The following TMEM108 variants were observed in gnomAD, a reference collection of about 807,000 sequenced individuals.
The protein encoded by TMEM108 is cancer/testis antigen 124.
A neutral mutation model predicts 35.1 loss-of-function variants in TMEM108; 12 were observed. That is an observed-to-expected ratio of 0.34 (90% CI 0.22 to 0.55). TMEM108 has a LOEUF of 0.55. Ranked by LOEUF, TMEM108 falls within the 20% of genes least tolerant of loss-of-function variation. TMEM108 has a pLI of 0.89. For missense variants in TMEM108, 680 were observed against 753.3 expected (o/e 0.90, Z 1.14); for synonymous variants, 287 against 308.6 (o/e 0.93, Z 0.73).
intron 3 of TMEM108, among the ~76,000 whole-genome samples, chr3:133,268,279 G>A (rs545428689): frequency 6.6e-6 from 1 of 152,294 alleles, no homozygotes; most frequent in African/African-American, 2.4e-5. Context: ...GATCATGTGG[G>A]CCCATATCAG....
intron 2 of TMEM108, among the ~76,000 whole-genome samples, chr3:133,130,886 CATAACTT>C (rs1157116439): frequency 6.6e-6 from 1 of 152,166 alleles, no homozygotes; most frequent in East Asian, 1.9e-4. Context: ...ATTTAACTGA[CATAACTT>C]ATACTTTTCA....
chr3:133,275,526 T>C (rs1946826991), intron 3 of TMEM108, among the ~76,000 whole-genome samples: 1 of 152,232 alleles, frequency 6.6e-6, no homozygotes, highest in African/African-American at 2.4e-5. Context: ...GGCTACTGTA[T>C]TGGATAATGC....
At chr3:133,172,761 G>C (rs12488775) in intron 2 of TMEM108, among the ~76,000 whole-genome samples, 19,763 of 152,214 alleles carry the variant, frequency 0.13, 1,479 homozygotes, top group South Asian at 0.22. Context: ...TGGTTTGGCT[G>C]TGTCACCACC....
intron 2 of TMEM108, among the ~76,000 whole-genome samples, chr3:133,076,650 T>C (rs1943746075): frequency 6.6e-6 from 1 of 152,206 alleles, no homozygotes; most frequent in South Asian, 2.1e-4. Context: ...ATTTTTCTAG[T>C]GTAAATAGGT....
intron 2 of TMEM108, among the ~76,000 whole-genome samples, chr3:133,056,981 C>T (rs1330900412): frequency 6.6e-6 from 1 of 152,184 alleles, no homozygotes; most frequent in Non-Finnish European, 1.5e-5. Flanking sequence ...TAAAGTGCAA[C>T]ATGACATTAA....
At chr3:133,145,602 G>C (rs1012525386) in intron 2 of TMEM108, among the ~76,000 whole-genome samples, 2 of 152,190 alleles carry the variant, frequency 1.3e-5, no homozygotes, top group Non-Finnish European at 1.5e-5. Flanking sequence ...CATGAGCATA[G>C]AATGTTTTTC....
intron 3 of TMEM108, among the ~76,000 whole-genome samples, chr3:133,295,096 T>G (rs895910544): frequency 2.6e-5 from 4 of 152,202 alleles, no homozygotes; most frequent in Non-Finnish European, 5.9e-5. Flanking sequence ...TAAATAAAAT[T>G]TGAGATGCTG....
chr3:133,078,538 T>G (rs943506978), intron 2 of TMEM108, among the ~76,000 whole-genome samples: 1 of 152,190 alleles, frequency 6.6e-6, no homozygotes, highest in Admixed American at 6.5e-5. Context: ...GTTACAAGGC[T>G]GTAACCCTCT....
At chr3:133,243,051 A>G (rs1481274578) in intron 3 of TMEM108, among the ~76,000 whole-genome samples, 1 of 152,216 alleles carries the variant, frequency 6.6e-6, no homozygotes, top group Non-Finnish European at 1.5e-5. Flanking sequence ...CAGGGAAGCA[A>G]TATCATGCCT....
chr3:133,378,898 A>C (rs2072921355), intron 3 of TMEM108, among the ~76,000 whole-genome samples: 1 of 151,708 alleles, frequency 6.6e-6, no homozygotes, highest in South Asian at 2.1e-4. Flanking sequence ...CAGCCACATG[A>C]ATGCCATAGG....
chr3:133,359,808 C>G (rs1399051379), intron 3 of TMEM108, among the ~76,000 whole-genome samples: 3 of 152,106 alleles, frequency 2.0e-5, no homozygotes, highest in Admixed American at 2.0e-4. Context: ...TAGACACTTA[C>G]CATGTGTCCC....
chr3:133,116,534 T>C (rs1944289912), intron 2 of TMEM108, among the ~76,000 whole-genome samples: 1 of 152,156 alleles, frequency 6.6e-6, no homozygotes, highest in South Asian at 2.1e-4. Context: ...ATATTACATA[T>C]GCTTTTTTTG....
At chr3:133,341,004 C>T (rs1325092435) in intron 3 of TMEM108, among the ~76,000 whole-genome samples, 2 of 151,716 alleles carry the variant, frequency 1.3e-5, no homozygotes, top group Non-Finnish European at 3.0e-5. Context: ...ATCTAGAACA[C>T]GGCAAGGATG....
At chr3:133,137,855 G>A (rs538785438) in intron 2 of TMEM108, among the ~76,000 whole-genome samples, 1 of 152,198 alleles carries the variant, frequency 6.6e-6, no homozygotes, top group African/African-American at 2.4e-5. Context: ...CATCCAAAGT[G>A]GCTTCCTGCA....
intron 3 of TMEM108, among the ~76,000 whole-genome samples, chr3:133,233,807 T>G (rs1330621803): frequency 1.4e-4 from 21 of 151,716 alleles, no homozygotes; most frequent in African/African-American, 4.8e-4. Flanking sequence ...TGAGCATTTT[T>G]TCATGTGTCT....
chr3:133,140,880 A>T (rs567503576), intron 2 of TMEM108, among the ~76,000 whole-genome samples: 18 of 152,300 alleles, frequency 1.2e-4, no homozygotes, highest in Admixed American at 6.5e-4. Context: ...ATTGTGATTT[A>T]AAAAATTTTA....
At chr3:133,347,927 C>G (rs375419655) in intron 3 of TMEM108, among the ~76,000 whole-genome samples, 1 of 152,008 alleles carries the variant, frequency 6.6e-6, no homozygotes, top group African/African-American at 2.4e-5. Context: ...AGATCACATT[C>G]TATCTCAAAG....
chr3:133,300,460 C>T (rs913412826), intron 3 of TMEM108, among the ~76,000 whole-genome samples: 2 of 152,140 alleles, frequency 1.3e-5, no homozygotes, highest in African/African-American at 2.4e-5. Flanking sequence ...TTGTTTTCAT[C>T]AGATGTGGTA....
chr3:133,096,195 G>C (rs1487236718), intron 2 of TMEM108, among the ~76,000 whole-genome samples: 1 of 152,146 alleles, frequency 6.6e-6, no homozygotes. Flanking sequence ...GTCTCACTCT[G>C]TCACTCAGGC....
Sources: allele counts gnomAD v4.1 joint callset (sites outside exome capture counted in the v4.1 genomes callset), GRCh38; gene constraint gnomAD v4.1.1; transcripts MANE v1.5; gene names NCBI Gene and HGNC (gene_info 2026-07-23, HGNC 2026-07-21).